MCPH1: variants seen among roughly 807,000 people sequenced by gnomAD.
MCPH1 encodes microcephalin.
Under a neutral mutation model 84.5 loss-of-function variants are expected in MCPH1, and 104 were observed. The observed-to-expected ratio is 1.23, with a 90% CI of 1.05 to 1.45. MCPH1 has a LOEUF of 1.45. MCPH1 is among the 40% of genes most tolerant of loss of function. The probability of loss-of-function intolerance (pLI) is 0.00; values close to 1 mark genes in which losing one functional copy is unlikely to be tolerated. For synonymous variants in MCPH1, 514 were observed against 366.8 expected (o/e 1.40, Z -4.58); for missense variants, 1,498 against 1,005.7 (o/e 1.49, Z -6.62).
intron 12 of MCPH1, among the ~76,000 whole-genome samples, chr8:6,586,070 T>C (rs1281467137): frequency 6.6e-6 from 1 of 152,164 alleles, no homozygotes; most frequent in African/African-American, 2.4e-5. Flanking sequence ...AAGTGATCCT[T>C]GTACTTCAAC....
intron 2 of MCPH1, among the ~76,000 whole-genome samples, chr8:6,412,611 G>T (rs1302802480): frequency 6.6e-6 from 1 of 152,174 alleles, no homozygotes; most frequent in African/African-American, 2.4e-5. Context: ...TCAGCGCAAG[G>T]TGTAGGGGTT....
intron 8 of MCPH1, chr8:6,446,988 T>C (rs571417347): frequency 1.0e-6 from 1 of 985,168 alleles, no homozygotes; most frequent in East Asian, 1.1e-4. Flanking sequence ...TTTCGCTCAG[T>C]GGTGCAGGCC....
chr8:6,556,293 C>G (rs531578723), intron 12 of MCPH1, among the ~76,000 whole-genome samples: 1 of 151,842 alleles, frequency 6.6e-6, no homozygotes, highest in Non-Finnish European at 1.5e-5. Context: ...ATAATTATAC[C>G]TGATATTTAC....
intron 9 of MCPH1, among the ~76,000 whole-genome samples, chr8:6,463,047 C>G (rs1281194235): frequency 6.6e-6 from 1 of 152,196 alleles, no homozygotes; most frequent in East Asian, 1.9e-4. Context: ...TTACTGACCA[C>G]AGGCATGCCA....
chr8:6,474,352 A>G, intron 9 of MCPH1: 1 of 405,880 alleles, frequency 2.5e-6, no homozygotes, highest in Non-Finnish European at 4.6e-6. Context: ...TTCTATCACC[A>G]AGTCAGAACA....
chr8:6,549,634 TACAG>T (rs1823260321), intron 12 of MCPH1, among the ~76,000 whole-genome samples: 1 of 151,706 alleles, frequency 6.6e-6, no homozygotes, highest in Non-Finnish European at 1.5e-5. Flanking sequence ...TGCGCACAGA[TACAG>T]ACAAAGAGGG....
chr8:6,547,040 CACGTGTTCCGTG>C (rs1822719408), intron 12 of MCPH1, among the ~76,000 whole-genome samples: 1 of 152,114 alleles, frequency 6.6e-6, no homozygotes, highest in Admixed American at 6.5e-5. Flanking sequence ...GAGCAACATG[CACGTGTTCCGTG>C]TGTACCGTGG....
chr8:6,446,152 A>C (rs965854748), intron 8 of MCPH1: 1 of 896,374 alleles, frequency 1.1e-6, no homozygotes, highest in African/African-American at 1.8e-5. Context: ...TCACTTGAAA[A>C]GGTTTACTCC....
intron 12 of MCPH1, among the ~76,000 whole-genome samples, chr8:6,608,861 C>T (rs1196179808): frequency 1.3e-5 from 2 of 152,168 alleles, no homozygotes; most frequent in Non-Finnish European, 1.5e-5. Flanking sequence ...AATGCCTAGG[C>T]CTCACCACCC....
rs1409206728 is a variant in MCPH1, at chr8:6,645,182, C to T, written c.*2133C>T. On this transcript the variant is annotated 3_prime_UTR_variant, in exon 14 of 14. Coordinates refer to ENST00000344683, the MANE Select transcript of MCPH1 (RefSeq NM_024596.5). Reference sequence around the variant, plus strand: ...ATCAGCCACGGAGCCAGCCCAGCCTCTGCCCACCCAGGCCTCAGTCCCCAG... The same window carrying T: ...ATCAGCCACGGAGCCAGCCCAGCCTTTGCCCACCCAGGCCTCAGTCCCCAG... The T allele has an allele frequency of 6.6e-6, 1 of 152,464 alleles. No individual in the cohort carries two copies. The highest frequency in any genetic ancestry group is 6.5e-5 in the Admixed American group (1 of 15,284). The allele number at this position is 152,464 out of a possible 1,614,324, so 9.4% of individuals were successfully genotyped here. A position where few individuals can be genotyped will look rare whatever the true frequency, so the allele number is the denominator to read the frequency against.
At position 6,449,529 on chromosome 8, in the gene MCPH1, A is replaced by T. The variant is rs144833281; in HGVS notation, c.1825+3982A>T. On this transcript the variant is annotated intron_variant, in intron 8 of 13. Coordinates refer to ENST00000344683, the MANE Select transcript of MCPH1 (RefSeq NM_024596.5). ...ATGCCTATAATCTCAGCTACTTGGGAGGCTGAGGCAGGAGAATCACTTGAA... is the reference window on the plus strand; with the variant it reads ...ATGCCTATAATCTCAGCTACTTGGGTGGCTGAGGCAGGAGAATCACTTGAA... Among the ~76,000 whole-genome samples the T allele has an allele frequency of 3.9e-5, 6 of 152,230 alleles. No homozygotes were observed. In the East Asian group the frequency reaches 9.7e-4, roughly 24 times the overall value.
Position 6,499,924 on chromosome 8 carries a change from G to T in MCPH1, c.2209G>T (p.Ala737Ser), listed in dbSNP as rs780230267. 13 of 1,613,370 alleles carry T rather than the reference G, an allele frequency of 8.1e-6. No homozygotes were observed. The South Asian group carries it at 1.3e-4, about 16-fold the overall frequency. ...CGAACTGTCTCACCACTTCCCTGCAGCTCCCGTAAGTCAGATGTTGTTTTA... is the reference window on the plus strand; with the variant it reads ...CGAACTGTCTCACCACTTCCCTGCATCTCCCGTAAGTCAGATGTTGTTTTA... The part of the protein sequence containing the change: ...PFELSHHFPA[A>S]PLCRSECHLS... Residue 737 changes from alanine (A) to serine (S), a missense_variant, in exon 12 of 14, where the codon GCT becomes TCT. By Grantham distance (99) the Ala-to-Ser change is moderately conservative. Coordinates refer to ENST00000344683, the MANE Select transcript of MCPH1 (RefSeq NM_024596.5).
rs1288910628 is a variant in MCPH1, at chr8:6,506,357, C to G, written c.2214+6428C>G. Among the ~76,000 whole-genome samples, 3 of 152,138 alleles carry G rather than the reference C, an allele frequency of 2.0e-5. No individual in the cohort carries two copies. In the East Asian group the frequency reaches 5.8e-4, roughly 29 times the overall value. ...TTCACAGGCAAGACCACTCCACTTT[C>G]TCTCTTGGGCTGTTTTTCCTCTCCC... On this transcript the variant is annotated intron_variant, in intron 12 of 13. Transcript: ENST00000344683.
intron 12 of MCPH1, among the ~76,000 whole-genome samples, chr8:6,600,556 G>A (rs555035858): frequency 1.3e-5 from 2 of 152,358 alleles, no homozygotes; most frequent in South Asian, 2.1e-4. Context: ...CTCTGACTGA[G>A]GCACGTTAGG....
intron 12 of MCPH1, among the ~76,000 whole-genome samples, chr8:6,515,517 C>G (rs1308010791): frequency 1.3e-5 from 2 of 152,210 alleles, no homozygotes; most frequent in Non-Finnish European, 2.9e-5. Context: ...TAAACTGGCT[C>G]TGTGGGTTTA....
intron 12 of MCPH1, among the ~76,000 whole-genome samples, chr8:6,596,962 A>C (rs58506250): frequency 6.6e-5 from 10 of 152,170 alleles, no homozygotes; most frequent in African/African-American, 2.4e-4. Flanking sequence ...TTGCTTCTTC[A>C]TGTAAATTAA....
intron 3 of MCPH1, among the ~76,000 whole-genome samples, chr8:6,426,155 T>C (rs1563189980): frequency 6.6e-6 from 1 of 152,220 alleles, no homozygotes; most frequent in African/African-American, 2.4e-5. Context: ...CACCCCATTA[T>C]TGCAGGCTCA....
intron 9 of MCPH1, among the ~76,000 whole-genome samples, chr8:6,471,316 G>C (rs1194009597): frequency 1.3e-5 from 2 of 152,180 alleles, no homozygotes; most frequent in Non-Finnish European, 2.9e-5. Flanking sequence ...TGGTTGCATA[G>C]CCACTGTTTT....
At chr8:6,509,014 G>A in intron 12 of MCPH1, 1 of 1,614,160 alleles carries the variant, frequency 6.2e-7, no homozygotes, top group Non-Finnish European at 8.5e-7. Context: ...CTGGTTGGCT[G>A]ATGCTGCTTA....
Sources: allele counts gnomAD v4.1 joint callset (sites outside exome capture counted in the v4.1 genomes callset), GRCh38; gene constraint gnomAD v4.1.1; transcripts MANE v1.5; gene names NCBI Gene and HGNC (gene_info 2026-07-23, HGNC 2026-07-21).